Variants in CASZ1 observed in about 807,000 individuals in gnomAD.
CASZ1 encodes the protein zinc finger protein castor homolog 1.
CASZ1 carries 28 observed loss-of-function variants against 135.2 expected under a neutral mutation model. The observed-to-expected ratio is 0.21, with a 90% CI of 0.15 to 0.28. The LOEUF (loss-of-function observed/expected upper bound fraction) is 0.28. Ranked by LOEUF, CASZ1 falls within the 10% of genes least tolerant of loss-of-function variation. The probability of loss-of-function intolerance (pLI) is 1.00; values close to 1 mark genes in which losing one functional copy is unlikely to be tolerated. For synonymous variants in CASZ1, 1,068 were observed against 1,073.4 expected (o/e 0.99, Z 0.10); for missense variants, 2,161 against 2,453.3 (o/e 0.88, Z 2.52).
At chr1:10,754,686 G>A (rs1258986229) in intron 2 of CASZ1, among the ~76,000 whole-genome samples, 2 of 152,222 alleles carry the variant, frequency 1.3e-5, no homozygotes, top group Non-Finnish European at 2.9e-5. Flanking sequence ...CCCCGCAGCT[G>A]GGACCGATCC....
rs1310477657 is a variant in CASZ1, at chr1:10,776,265, T to C, written c.-233-15408A>G. 1.3e-5 allele frequency among the ~76,000 whole-genome samples: 2 copies of C among 152,236 alleles called. No homozygotes were observed. The highest frequency in any genetic ancestry group is 2.9e-5 in the Non-Finnish European group (2 of 68,038). ...GTGTTTGCTATTACATTCAATTACC[T>C]TTTTACTTGAGATTTACATTCTCAT... On this transcript the variant is annotated intron_variant, in intron 1 of 20. Coordinates refer to ENST00000377022, the MANE Select transcript of CASZ1 (RefSeq NM_001079843.3). This position sits in a 1 kb window ranked among gnomAD's most constrained non-coding sequence, Gnocchi z 4.1.
chr1:10,661,949 G>A (rs1054311358), intron 5 of CASZ1, among the ~76,000 whole-genome samples: 3 of 139,728 alleles, frequency 2.1e-5, no homozygotes, highest in East Asian at 2.2e-4. Context: ...GCACTCATAC[G>A]CCATCACATA....
chr1:10,662,431 C>A (rs1176062807), intron 5 of CASZ1, among the ~76,000 whole-genome samples: 4 of 152,018 alleles, frequency 2.6e-5, no homozygotes, highest in Non-Finnish European at 5.9e-5. Context: ...TACACACATG[C>A]CTTATTACAC....
chr1:10,786,720 G>C (rs1640865611), intron 1 of CASZ1, among the ~76,000 whole-genome samples: 1 of 151,644 alleles, frequency 6.6e-6, no homozygotes, highest in Non-Finnish European at 1.5e-5. Flanking sequence ...ACTCGCTCCA[G>C]AATGCACCAT....
At chr1:10,782,628 C>T (rs1640782895) in intron 1 of CASZ1, among the ~76,000 whole-genome samples, 1 of 152,134 alleles carries the variant, frequency 6.6e-6, no homozygotes, top group Non-Finnish European at 1.5e-5. Flanking sequence ...TCCAATCGTG[C>T]TGAGCACAGC....
At chr1:10,787,485 G>A (rs1640879083) in intron 1 of CASZ1, among the ~76,000 whole-genome samples, 1 of 152,220 alleles carries the variant, frequency 6.6e-6, no homozygotes, top group Non-Finnish European at 1.5e-5. Context: ...CTCACATAGC[G>A]AGCGGCACAG....
intron 11 of CASZ1, chr1:10,652,326 C>T (rs1440205617): frequency 1.3e-5 from 2 of 152,306 alleles, no homozygotes; most frequent in Non-Finnish European, 2.9e-5. Context: ...GCCATGTGCC[C>T]GGGACAGACC....
At chr1:10,693,590 C>G (rs901696987) in intron 4 of CASZ1, among the ~76,000 whole-genome samples, 9 of 150,024 alleles carry the variant, frequency 6.0e-5, no homozygotes, top group Admixed American at 5.3e-4. Flanking sequence ...CCCACAAAAA[C>G]CCCCTAAATC....
chr1:10,659,793 G>A lies in CASZ1; in HGVS notation c.1249C>T (p.Pro417Ser), dbSNP rs757355415. 1.9e-6 allele frequency: 3 copies of A among 1,613,954 alleles called. No individual in the cohort carries two copies. The highest frequency in any genetic ancestry group is 2.2e-5 in the East Asian group (1 of 44,858). The change falls in exon 6 of 21, where the codon CCT (proline) becomes TCT (serine). Residue 417 changes from proline to serine, a missense_variant. Pro to Ser is a moderately conservative substitution (Grantham distance 74, BLOSUM62 -1). This residue lies in a region of CASZ1 where 590 missense variants were observed against 609.8 expected (regional missense o/e 0.97). Transcript: ENST00000377022. The part of the protein sequence containing the change: ...PSAPGPGPEP[P>S]ASLSFNTPEY... ...GGAGTGTTGAAGGACAGGGAGGCAG[G>A]AGGCTCTGGCCCTGGCCCGGGGGCG... is the stretch of plus-strand genomic sequence containing the variant.
At chr1:10,780,261 C>A (rs1409614303) in intron 1 of CASZ1, among the ~76,000 whole-genome samples, 1 of 152,154 alleles carries the variant, frequency 6.6e-6, no homozygotes, top group East Asian at 1.9e-4. Flanking sequence ...ACAAATATTC[C>A]CATTTGTCAA....
chr1:10,659,810 C>A lies in CASZ1; in HGVS notation c.1232G>T (p.Gly411Val). Reference protein sequence around the residue: ...ASVPSAPSAPGPGPEPPASLS... With the variant: ...ASVPSAPSAPVPGPEPPASLS... ...GGAGGCAGGAGGCTCTGGCCCTGGC[C>A]CGGGGGCGCTGGGGGCACTGGGCAC... Residue 411 changes from glycine (G) to valine (V), a missense_variant, in exon 6 of 21, where the codon GGG becomes GTG. Gly to Val is a moderately radical substitution (Grantham distance 109). Transcript: ENST00000377022. The A allele has an allele frequency of 6.2e-7, 1 of 1,613,574 alleles. No homozygotes were observed. The highest frequency in any genetic ancestry group is 8.5e-7 in the Non-Finnish European group (1 of 1,179,760).
chr1:10,793,295 T>TA (rs775832751), intron 1 of CASZ1, among the ~76,000 whole-genome samples: 2 of 152,210 alleles, frequency 1.3e-5, no homozygotes, highest in East Asian at 3.9e-4. Flanking sequence ...TGATGCAACT[T>TA]AGAGATCAAA....
Position 10,699,167 on chromosome 1 carries a change from G to C in CASZ1, c.-23-5255C>G, listed in dbSNP as rs1194915847. 6.6e-6 allele frequency among the ~76,000 whole-genome samples: 1 copy of C among 152,198 alleles called. No individual in the cohort carries two copies. Among genetic ancestry groups the C allele is most frequent in the Middle Eastern group, 3.2e-3 (1 of 316 alleles). On this transcript the variant is annotated intron_variant, in intron 3 of 20. Coordinates refer to ENST00000377022, the MANE Select transcript of CASZ1 (RefSeq NM_001079843.3). This position sits in a 1 kb window ranked among gnomAD's most constrained non-coding sequence, Gnocchi z 4.6. The stretch of plus-strand genomic sequence containing the variant: ...ACCAGCCTTCGGGGAGAAGAGCTGG[G>C]GATCGACATGGCCCAAATCTGGCCT...
At chr1:10,738,243 G>A (rs977997975) in intron 2 of CASZ1, among the ~76,000 whole-genome samples, 1 of 152,192 alleles carries the variant, frequency 6.6e-6, no homozygotes, top group Non-Finnish European at 1.5e-5. Context: ...GAGACCCAAG[G>A]GAACAGGGCC....
At chr1:10,748,924 CTGG>C (rs1640097677) in intron 2 of CASZ1, among the ~76,000 whole-genome samples, 1 of 152,236 alleles carries the variant, frequency 6.6e-6, no homozygotes, top group South Asian at 2.1e-4. Flanking sequence ...CCACGTCAGT[CTGG>C]TGAGGCCTCC....
At chr1:10,770,011 A>T (rs371577936) in intron 1 of CASZ1, among the ~76,000 whole-genome samples, 1 of 152,242 alleles carries the variant, frequency 6.6e-6, no homozygotes, top group East Asian at 1.9e-4. Flanking sequence ...CAGGGATTAT[A>T]ACCAGGTATC....
At chr1:10,653,001 C>T (rs760708919) in intron 11 of CASZ1, 72 of 285,542 alleles carry the variant, frequency 2.5e-4, no homozygotes, top group Non-Finnish European at 4.1e-4. Context: ...CTGGAGGAAA[C>T]GCTCGGCACG....
intron 1 of CASZ1, among the ~76,000 whole-genome samples, chr1:10,793,128 G>A (rs1265427892): frequency 2.0e-5 from 3 of 151,780 alleles, no homozygotes; most frequent in African/African-American, 7.3e-5. Flanking sequence ...AACATAAGGG[G>A]AGCAGATATA....
At position 10,739,038 on chromosome 1, in the gene CASZ1, C is replaced by T. The variant is rs1243343746; in HGVS notation, c.-77+21663G>A. Among the ~76,000 whole-genome samples the T allele has an allele frequency of 6.7e-6, 1 of 148,290 alleles. No individual in the cohort carries two copies. The highest frequency in any genetic ancestry group is 1.5e-5 in the Non-Finnish European group (1 of 67,632). On this transcript the variant is annotated intron_variant, in intron 2 of 20. Transcript: ENST00000377022. This position sits in a 1 kb window ranked among gnomAD's most constrained non-coding sequence, Gnocchi z 4.8. ...TTGACTGGCTTCTCTGAGAACCAGTCATAGGAAGCTTGGGCTCTGCTTCTT... is the reference window on the plus strand; with the variant it reads ...TTGACTGGCTTCTCTGAGAACCAGTTATAGGAAGCTTGGGCTCTGCTTCTT...
Sources: allele counts gnomAD v4.1 joint callset (sites outside exome capture counted in the v4.1 genomes callset), GRCh38; gene constraint gnomAD v4.1.1; regional missense constraint gnomAD v4.1.1; non-coding constraint Gnocchi (gnomAD v3.1); transcripts MANE v1.5; gene names NCBI Gene and HGNC (gene_info 2026-07-23, HGNC 2026-07-21).